Variants in GALNT13 observed in about 807,000 individuals in gnomAD.
GALNT13 encodes the protein polypeptide N-acetylgalactosaminyltransferase 13, also known as UDP-GalNAc:polypeptide N-acetylgalactosaminyltransferase 13.
A neutral mutation model predicts 64.2 loss-of-function variants in GALNT13; 28 were observed. The observed-to-expected ratio is 0.44, with a 90% CI of 0.32 to 0.60. GALNT13 has a LOEUF of 0.60. GALNT13 is among the 20% of genes least tolerant of loss of function. The probability of loss-of-function intolerance (pLI) is 0.05; values close to 1 mark genes in which losing one functional copy is unlikely to be tolerated. For synonymous variants in GALNT13, 214 were observed against 224.6 expected (o/e 0.95, Z 0.42); for missense variants, 577 against 669.8 (o/e 0.86, Z 1.53).
the GALNT13 span, among the ~76,000 whole-genome samples, chr2:153,105,715 A>T: frequency 6.6e-6 from 1 of 152,134 alleles, no homozygotes; most frequent in African/African-American, 2.4e-5. Context: ...AAGCATTCTT[A>T]TACACCAATA....
chr2:153,109,978 C>T, the GALNT13 span, among the ~76,000 whole-genome samples: 7 of 152,064 alleles, frequency 4.6e-5, no homozygotes, highest in African/African-American at 9.6e-5. Flanking sequence ...ATAGGCTGAG[C>T]GATTCTGAGG....
the GALNT13 span, among the ~76,000 whole-genome samples, chr2:153,266,863 G>A: frequency 2.0e-5 from 3 of 152,144 alleles, no homozygotes; most frequent in Non-Finnish European, 4.4e-5. Context: ...AGTCCCCCAC[G>A]TCTTAACTCA....
At chr2:154,203,018 C>T (rs1687254633) in intron 4 of GALNT13, among the ~76,000 whole-genome samples, 1 of 152,046 alleles carries the variant, frequency 6.6e-6, no homozygotes, top group Non-Finnish European at 1.5e-5. Flanking sequence ...ATTTTATACA[C>T]CTGCTAACGA....
the GALNT13 span, among the ~76,000 whole-genome samples, chr2:153,517,145 C>G: frequency 6.6e-6 from 1 of 152,142 alleles, no homozygotes; most frequent in South Asian, 2.1e-4. Context: ...AGTCTATGGA[C>G]ATTCCCACCT....
the GALNT13 span, among the ~76,000 whole-genome samples, chr2:153,361,106 C>G: frequency 6.6e-6 from 1 of 151,998 alleles, no homozygotes; most frequent in African/African-American, 2.4e-5. Flanking sequence ...CTGAAGTGAA[C>G]CCCCAGCAAA....
chr2:153,393,970 A>T, the GALNT13 span, among the ~76,000 whole-genome samples: 2,390 of 111,412 alleles, frequency 0.021, 75 homozygotes, highest in African/African-American at 0.079. Flanking sequence ...ACACACACAC[A>T]CACACACACA....
intron 3 of GALNT13, among the ~76,000 whole-genome samples, chr2:154,047,515 A>G (rs1434672357): frequency 6.6e-6 from 1 of 152,184 alleles, no homozygotes; most frequent in African/African-American, 2.4e-5. Context: ...TGAGATAATC[A>G]ATTAAATTAG....
At chr2:154,172,917 A>T (rs1685442419) in intron 4 of GALNT13, among the ~76,000 whole-genome samples, 1 of 152,110 alleles carries the variant, frequency 6.6e-6, no homozygotes, top group Non-Finnish European at 1.5e-5. Context: ...TTATGGATTC[A>T]CTGCAATCCC....
At chr2:154,415,774 T>C (rs1355757809) in intron 11 of GALNT13, among the ~76,000 whole-genome samples, 1 of 152,188 alleles carries the variant, frequency 6.6e-6, no homozygotes, top group African/African-American at 2.4e-5. Flanking sequence ...TCACAGATTG[T>C]AATGAATACA....
At chr2:153,232,115 C>G in the GALNT13 span, among the ~76,000 whole-genome samples, 1 of 152,136 alleles carries the variant, frequency 6.6e-6, no homozygotes, top group African/African-American at 2.4e-5. Context: ...GTTTTGTTTT[C>G]AAATCAATTT....
intron 4 of GALNT13, among the ~76,000 whole-genome samples, chr2:154,173,532 C>A (rs1685482193): frequency 6.6e-6 from 1 of 151,502 alleles, no homozygotes; most frequent in Non-Finnish European, 1.5e-5. Context: ...CTCGAGTAAC[C>A]AAAGAAAAAT....
At chr2:153,950,702 G>T (rs1692111590) in intron 3 of GALNT13, among the ~76,000 whole-genome samples, 1 of 152,010 alleles carries the variant, frequency 6.6e-6, no homozygotes, top group Non-Finnish European at 1.5e-5. Context: ...ATCAATACAA[G>T]GAGATCTTAT....
the GALNT13 span, among the ~76,000 whole-genome samples, chr2:153,178,556 T>A: frequency 6.6e-6 from 1 of 152,148 alleles, no homozygotes; most frequent in African/African-American, 2.4e-5. Flanking sequence ...AATCAGATAT[T>A]GTTTTCTTTC....
the GALNT13 span, among the ~76,000 whole-genome samples, chr2:153,510,283 C>T: frequency 6.6e-6 from 1 of 152,078 alleles, no homozygotes; most frequent in East Asian, 1.9e-4. Flanking sequence ...GTATTGTTTC[C>T]AAAAGACTTG....
chr2:153,311,589 G>A, the GALNT13 span, among the ~76,000 whole-genome samples: 1 of 152,178 alleles, frequency 6.6e-6, no homozygotes, highest in Non-Finnish European at 1.5e-5. Flanking sequence ...ACTGGAGGAG[G>A]ATCCACGACC....
the GALNT13 span, among the ~76,000 whole-genome samples, chr2:153,069,408 G>T: frequency 5.9e-5 from 9 of 152,260 alleles, no homozygotes; most frequent in Admixed American, 2.0e-4. Context: ...ATGATGAAAG[G>T]GTTGGAGTAC....
the GALNT13 span, among the ~76,000 whole-genome samples, chr2:153,487,889 T>C: frequency 6.6e-6 from 1 of 152,200 alleles, no homozygotes; most frequent in Non-Finnish European, 1.5e-5. Flanking sequence ...GGATTTCCAC[T>C]TGAAAGCCAT....
the GALNT13 span, among the ~76,000 whole-genome samples, chr2:153,444,528 A>G: frequency 6.6e-6 from 1 of 152,240 alleles, no homozygotes; most frequent in African/African-American, 2.4e-5. Flanking sequence ...TAAAGAGTAT[A>G]GGAATAATAC....
chr2:153,786,645 A>T, the GALNT13 span, among the ~76,000 whole-genome samples: 1 of 151,988 alleles, frequency 6.6e-6, no homozygotes, highest in Non-Finnish European at 1.5e-5. Context: ...CCCAACAAGC[A>T]GGGCCCCAAG....
Sources: gnomAD v4.1 joint callset for allele counts (sites outside exome capture counted in the v4.1 genomes callset) on GRCh38, gnomAD v4.1.1 for gene constraint, MANE v1.5 for transcripts, NCBI Gene and HGNC (gene_info 2026-07-23, HGNC 2026-07-21) for gene names.